SIGLEC6: variants seen among roughly 807,000 people sequenced by gnomAD.
The protein encoded by SIGLEC6 is sialic acid binding Ig like lectin 6.
In SIGLEC6, 31 loss-of-function variants were observed where a neutral mutation model predicts 41.4. The observed-to-expected ratio is 0.75, with a 90% confidence interval of 0.56 to 1.01. The LOEUF is 1.01. Among genes scored for constraint, SIGLEC6 ranks in the 50% least tolerant of loss-of-function variants. The pLI is 0.00. For missense variants in SIGLEC6, 555 were observed against 558.6 expected (o/e 0.99, Z 0.06); for synonymous variants, 217 against 231.0 (o/e 0.94, Z 0.55).
chr19:51,529,610 C>A (rs987884791), intron 5 of SIGLEC6, 114 bp downstream of exon 5: 13 of 1,342,054 alleles, frequency 9.7e-6, no homozygotes, highest in Non-Finnish European at 1.3e-5. Flanking sequence ...AGGGTCCCAG[C>A]AGTTGTGAGG....
chr19:51,530,646 C>T (rs1329196987), intron 3 of SIGLEC6, 35 bp downstream of exon 3: 2 of 1,611,046 alleles, frequency 1.2e-6, no homozygotes, highest in South Asian at 1.1e-5. Context: ...CCCCCCACAC[C>T]CTCAGGGACC....
At chr19:51,526,085 C>A (rs995549824) in intron 7 of SIGLEC6, among the ~76,000 whole-genome samples, 1 of 152,158 alleles carries the variant, frequency 6.6e-6, no homozygotes. Context: ...GGTAATTATT[C>A]CAATTGGCAG....
rs149686214 is a variant in SIGLEC6 at position 51,518,830 on chromosome 19, T to C, written c.*1252A>G. On this transcript the variant is annotated 3_prime_UTR_variant, in exon 8 of 8. Coordinates refer to ENST00000425629, the MANE Select transcript of SIGLEC6 (RefSeq NM_001245.7). ...AGGAATTGATCTGGGGAAATCTGGA[T>C]GGACAAGATCATGTAGAGAGCCTTG... Among the ~76,000 whole-genome samples, 515 of 152,246 alleles carry C rather than the reference T, an allele frequency of 3.4e-3. 3 individuals are homozygous for C. Among genetic ancestry groups the C allele is most frequent in the Middle Eastern group, 6.8e-3 (2 of 294 alleles).
At chr19:51,530,218 A>G (rs1980020458) in intron 4 of SIGLEC6, among the ~76,000 whole-genome samples, 1 of 152,076 alleles carries the variant, frequency 6.6e-6, no homozygotes, top group African/African-American at 2.4e-5. Flanking sequence ...GACCATGGAG[A>G]CGCCTGAGGC....
At position 51,520,231 on chromosome 19, in the gene SIGLEC6, C is replaced by G; in HGVS notation, c.1213G>C (p.Gly405Arg). The G allele has an allele frequency of 6.3e-7, 1 of 1,593,880 alleles. No individual in the cohort carries two copies. Among genetic ancestry groups the G allele is most frequent in the Non-Finnish European group, 8.6e-7 (1 of 1,165,092 alleles). Residue 405 changes from glycine to arginine, a missense_variant, in exon 8 of 8, where the codon GGC (glycine) becomes CGC (arginine). Transcript: ENST00000425629. ...TCAGCAGGGTGGTCTGAAACTATGC[C>G]TGTCTGGAACTGGTGCTGATGACCC... ...SRGHQHQFQT[G>R]IVSDHPAEAG...
intron 7 of SIGLEC6, among the ~76,000 whole-genome samples, chr19:51,523,190 T>C (rs1387960061): frequency 6.6e-6 from 1 of 151,484 alleles, no homozygotes; most frequent in African/African-American, 2.4e-5. Context: ...AAAATGGCAA[T>C]ATCTAAAAAG....
At chr19:51,520,741 T>A (rs1414631712) in intron 7 of SIGLEC6, among the ~76,000 whole-genome samples, 2 of 152,198 alleles carry the variant, frequency 1.3e-5, no homozygotes, top group Non-Finnish European at 2.9e-5. Context: ...TTTACATTAA[T>A]CAGTCATATT....
rs1980216855 is a variant in SIGLEC6, at chr19:51,530,974, G to C, written c.428-15C>G. ...GTGGGTCAGGGCTGGTGAGGAGATG[G>C]GGACGCAGGATCAGGATGGAGGTCT... On this transcript the variant is annotated splice_polypyrimidine_tract_variant and intron_variant, in intron 2 of 7. Coordinates refer to ENST00000425629, the MANE Select transcript of SIGLEC6 (RefSeq NM_001245.7). The C allele has an allele frequency of 2.5e-6, 4 of 1,607,378 alleles. No homozygotes were observed. Among genetic ancestry groups the C allele is most frequent in the Non-Finnish European group, 1.7e-6 (2 of 1,179,216 alleles).
chr19:51,524,854 T>C (rs950170307), intron 7 of SIGLEC6, among the ~76,000 whole-genome samples: 2 of 152,048 alleles, frequency 1.3e-5, no homozygotes, highest in African/African-American at 4.8e-5. Flanking sequence ...CTCCCCAGGA[T>C]TGGCATGGAG....
chr19:51,527,626 A>G, intron 7 of SIGLEC6, 121 bp downstream of exon 7: 1 of 754,882 alleles, frequency 1.3e-6, no homozygotes, highest in Non-Finnish European at 2.2e-6. Context: ...AAAATTTAAA[A>G]TGTCACATGT....
Position 51,530,760 on chromosome 19 carries a change from G to T in SIGLEC6, c.627C>A (p.His209Gln), listed in dbSNP as rs1980147602. 5 of 1,614,044 alleles carry T rather than the reference G, an allele frequency of 3.1e-6. No homozygotes were observed. Among genetic ancestry groups the T allele is most frequent in the Non-Finnish European group, 3.4e-6 (4 of 1,180,008 alleles). ...VLTITPRPQD[H>Q]STNLTCQVTF... Reference sequence around the variant, plus strand: ...TCACCTGACAGGTGAGGTTGGTGCTGTGGTCCTGGGGCCGTGGGGTGATTG... The same window carrying T: ...TCACCTGACAGGTGAGGTTGGTGCTTTGGTCCTGGGGCCGTGGGGTGATTG... The change falls in exon 3 of 8, where the codon CAC becomes CAA. Residue 209 changes from histidine to glutamine, a missense_variant. His to Gln is a conservative substitution (Grantham distance 24). Transcript: ENST00000425629.
Position 51,530,812 on chromosome 19 carries a change from G to C in SIGLEC6, c.575C>G (p.Pro192Arg), listed in dbSNP as rs1277999595. 1.2e-6 allele frequency: 2 copies of C among 1,613,966 alleles called. No homozygotes were observed. The highest frequency in any genetic ancestry group is 1.7e-6 in the Non-Finnish European group (2 of 1,180,010). The stretch of plus-strand genomic sequence containing the variant: ...GAGCACCGAGGACTGGGTGGTCCTG[G>C]GGCCCAGGGAGGTGGGGGCAGCTGA... ...WMSAAPTSLGPRTTQSSVLTI... is the reference protein window; with the variant it reads ...WMSAAPTSLGRRTTQSSVLTI... Residue 192 changes from proline to arginine, a missense_variant, in exon 3 of 8, where the codon CCC becomes CGC. Coordinates refer to ENST00000425629, the MANE Select transcript of SIGLEC6 (RefSeq NM_001245.7).
At chr19:51,523,915 C>T (rs890420838) in intron 7 of SIGLEC6, among the ~76,000 whole-genome samples, 3 of 151,844 alleles carry the variant, frequency 2.0e-5, no homozygotes, top group Admixed American at 6.6e-5. Flanking sequence ...CCCAGCCACT[C>T]GGGAGGCTGA....
Position 51,529,993 on chromosome 19 carries a change from G to C in SIGLEC6, c.755-12C>G. 6.4e-7 allele frequency: 1 copy of C among 1,566,154 alleles called. No homozygotes were observed. Among genetic ancestry groups the C allele is most frequent in the East Asian group, 2.2e-5 (1 of 44,502 alleles). On this transcript the variant is annotated splice_polypyrimidine_tract_variant and intron_variant, in intron 4 of 7. Coordinates refer to ENST00000425629, the MANE Select transcript of SIGLEC6 (RefSeq NM_001245.7). ...CAGGATTTTGAAGGCTTTGGGGAGA[G>C]AGGTGTAGAGAGTTAGAGATGGGGT...
chr19:51,528,347 C>G (rs1979591680), intron 5 of SIGLEC6, 94 bp from the exon 6 acceptor site: 1 of 1,014,570 alleles, frequency 9.9e-7, no homozygotes, highest in East Asian at 2.5e-5. Context: ...TGACCACCCC[C>G]ATCCAGGACT....
chr19:51,530,408 T>C (rs1373030259), intron 4 of SIGLEC6, 29 bp downstream of exon 4: 3 of 1,606,282 alleles, frequency 1.9e-6, no homozygotes, highest in Non-Finnish European at 1.7e-6. Context: ...CATCTGGCCC[T>C]GGAGAGAACA....
In SIGLEC6 at chr19:51,530,799, C is replaced by A. The variant is rs537584187; in HGVS notation, c.588G>T (p.Gln196His). 1.9e-6 allele frequency: 3 copies of A among 1,613,922 alleles called. No individual in the cohort carries two copies. Among genetic ancestry groups the A allele is most frequent in the Non-Finnish European group, 2.5e-6 (3 of 1,179,980 alleles). The change falls in exon 3 of 8, where the codon CAG (glutamine) becomes CAT (histidine). Residue 196 changes from glutamine (Q) to histidine (H), a missense_variant. Gln to His is a conservative substitution (Grantham distance 24, BLOSUM62 0). Transcript: ENST00000425629. ...GTGGGGTGATTGTGAGCACCGAGGA[C>A]TGGGTGGTCCTGGGGCCCAGGGAGG... Reference protein sequence around the residue: ...APTSLGPRTTQSSVLTITPRP... With the variant: ...APTSLGPRTTHSSVLTITPRP...
At chr19:51,521,154 C>T (rs2122294954) in intron 7 of SIGLEC6, among the ~76,000 whole-genome samples, 1 of 152,312 alleles carries the variant, frequency 6.6e-6, no homozygotes, top group South Asian at 2.1e-4. Flanking sequence ...GACGCCCTCT[C>T]CTGTACCTTC....
intron 7 of SIGLEC6, among the ~76,000 whole-genome samples, chr19:51,520,566 G>A (rs964174332): frequency 3.0e-5 from 4 of 133,762 alleles, no homozygotes; most frequent in African/African-American, 1.2e-4. Flanking sequence ...TTGTAGAGAT[G>A]GAGTTCTACT....
Sources: gnomAD v4.1 joint callset for allele counts (sites outside exome capture counted in the v4.1 genomes callset) on GRCh38, gnomAD v4.1.1 for gene constraint, MANE v1.5 for transcripts, NCBI Gene and HGNC (gene_info 2026-07-23, HGNC 2026-07-21) for gene names.